Variants in DOK6 observed in about 807,000 individuals in gnomAD.
DOK6 encodes docking protein 6, also known as downstream of tyrosine kinase 6.
Under a neutral mutation model 44.0 loss-of-function variants are expected in DOK6, and 22 were observed. The observed-to-expected ratio is 0.50, with a 90% CI of 0.36 to 0.71. The LOEUF (loss-of-function observed/expected upper bound fraction) is 0.71. DOK6 is among the 30% of genes least tolerant of loss of function. The probability of loss-of-function intolerance (pLI) is 0.00; values close to 1 mark genes in which losing one functional copy is unlikely to be tolerated. For missense variants in DOK6, 340 were observed against 416.4 expected, an observed-to-expected ratio of 0.82 and a Z score of 1.60; for synonymous variants, 166 against 145.5, an observed-to-expected ratio of 1.14 and a Z score of -1.01.
chr18:69,581,626 C>G (rs1328724425), intron 2 of DOK6, among the ~76,000 whole-genome samples: 1 of 152,146 alleles, frequency 6.6e-6, no homozygotes, highest in African/African-American at 2.4e-5. Context: ...GCAATTCAGG[C>G]ATGGGATATA....
At chr18:69,430,983 TA>T (rs1238713720) in intron 1 of DOK6, among the ~76,000 whole-genome samples, 3 of 152,058 alleles carry the variant, frequency 2.0e-5, no homozygotes, top group Non-Finnish European at 4.4e-5. Flanking sequence ...AGAAGATTAC[TA>T]ATGTTTTCCC....
rs185650176 is a variant in DOK6 at position 69,499,231 on chromosome 18, A to G, written c.67-65256A>G. The stretch of plus-strand genomic sequence containing the variant: ...TACATATATATGTGTGTATGTATAT[A>G]TATATATGAGATAATGAATATTGGA... On this transcript the variant is annotated intron_variant, in intron 1 of 7. Transcript: ENST00000382713. Among the ~76,000 whole-genome samples, 236 of 152,116 alleles carry G rather than the reference A, an allele frequency of 1.6e-3. 2 individuals carry two copies. In the East Asian group the frequency reaches 0.029, roughly 19 times the overall value.
chr18:69,507,995 T>TTA (rs1440100265), intron 1 of DOK6, among the ~76,000 whole-genome samples: 3 of 152,168 alleles, frequency 2.0e-5, no homozygotes, highest in Non-Finnish European at 4.4e-5. Context: ...ATGATGTTAA[T>TTA]TATAGGTTTT....
intron 3 of DOK6, among the ~76,000 whole-genome samples, chr18:69,627,066 A>G (rs1257652705): frequency 6.6e-6 from 1 of 152,156 alleles, no homozygotes; most frequent in Non-Finnish European, 1.5e-5. Context: ...AAATACTCTC[A>G]CGCAGTGAGA....
At chr18:69,407,424 T>C (rs570864624) in intron 1 of DOK6, among the ~76,000 whole-genome samples, 1 of 152,314 alleles carries the variant, frequency 6.6e-6, no homozygotes, top group East Asian at 1.9e-4. Context: ...TACTATGATT[T>C]CTTTAGCCTC....
At chr18:69,592,828 T>G (rs1407019301) in intron 2 of DOK6, among the ~76,000 whole-genome samples, 1 of 152,186 alleles carries the variant, frequency 6.6e-6, no homozygotes, top group African/African-American at 2.4e-5. Flanking sequence ...CTCAAGGATT[T>G]CACAATTTTA....
intron 1 of DOK6, among the ~76,000 whole-genome samples, chr18:69,559,282 ACATATTT>A (rs1982768115): frequency 1.3e-5 from 2 of 151,820 alleles, no homozygotes; most frequent in Non-Finnish European, 2.9e-5. Context: ...ATGTGTATTT[ACATATTT>A]CCACGAATAT....
chr18:69,504,734 C>T (rs138434989), intron 1 of DOK6, among the ~76,000 whole-genome samples: 82 of 152,186 alleles, frequency 5.4e-4, no homozygotes, highest in African/African-American at 1.9e-3. Context: ...CTACCACATG[C>T]TATCAAAAAA....
intron 7 of DOK6, among the ~76,000 whole-genome samples, chr18:69,824,075 A>T (rs1981659528): frequency 6.6e-6 from 1 of 150,802 alleles, no homozygotes; most frequent in African/African-American, 2.4e-5. Flanking sequence ...TTTAAGTTTT[A>T]GGGTACATGT....
chr18:69,434,369 C>T (rs1978888307), intron 1 of DOK6, among the ~76,000 whole-genome samples: 1 of 152,138 alleles, frequency 6.6e-6, no homozygotes, highest in Non-Finnish European at 1.5e-5. Context: ...TAATTCTTCC[C>T]CTTCAGACTG....
chr18:69,667,093 C>G (rs139440037), intron 3 of DOK6, among the ~76,000 whole-genome samples: 3 of 152,262 alleles, frequency 2.0e-5, no homozygotes, highest in African/African-American at 7.2e-5. Flanking sequence ...CCCTTTATCT[C>G]TGTCCATGTC....
intron 7 of DOK6, among the ~76,000 whole-genome samples, chr18:69,812,498 A>G (rs1790592): frequency 0.97 from 147,661 of 152,184 alleles, 71,803 homozygotes; most frequent in Middle Eastern, 1. Context: ...GTCAGCTCCC[A>G]AGGATCTGAA....
At chr18:69,657,774 C>T (rs1180950007) in intron 3 of DOK6, among the ~76,000 whole-genome samples, 1 of 152,216 alleles carries the variant, frequency 6.6e-6, no homozygotes, top group Non-Finnish European at 1.5e-5. Flanking sequence ...AGGAGATTTT[C>T]ACCTGTTTCA....
intron 1 of DOK6, among the ~76,000 whole-genome samples, chr18:69,509,359 C>T (rs557839949): frequency 2.8e-4 from 43 of 152,200 alleles, no homozygotes; most frequent in African/African-American, 9.6e-4. Context: ...AGGATATGGC[C>T]GGGCGCGGTG....
At chr18:69,656,419 T>C (rs4405643) in intron 3 of DOK6, among the ~76,000 whole-genome samples, 4,772 of 152,262 alleles carry the variant, frequency 0.031, 252 homozygotes, top group African/African-American at 0.11. Context: ...GTTTAGAGTA[T>C]AGATGTTCTA....
Position 69,844,456 on chromosome 18 carries a change from A to T in DOK6, c.*3073A>T, listed in dbSNP as rs1012192505. 3 of 152,076 alleles carry T rather than the reference A, an allele frequency of 2.0e-5. No individual in the cohort carries two copies. Among genetic ancestry groups the T allele is most frequent in the Admixed American group, 6.6e-5 (1 of 15,250 alleles). 9.4% of individuals were successfully genotyped at this position (152,076 alleles called of 1,614,324 possible). A position where few individuals can be genotyped will look rare whatever the true frequency, so the allele number is the denominator to read the frequency against. ...AGGGGACTTATTTTTTATGTTCCCA[A>T]TTTTTTCTTCTGATAATATTAATCA... On this transcript the variant is annotated 3_prime_UTR_variant, in exon 8 of 8. Coordinates refer to ENST00000382713, the MANE Select transcript of DOK6 (RefSeq NM_152721.6).
intron 1 of DOK6, among the ~76,000 whole-genome samples, chr18:69,531,985 A>G (rs551669868): frequency 1.3e-5 from 2 of 152,242 alleles, no homozygotes; most frequent in Middle Eastern, 3.4e-3. Context: ...TGGTAGGATT[A>G]GTGTTCTTAT....
At chr18:69,703,732 G>GT (rs1986572470) in intron 5 of DOK6, among the ~76,000 whole-genome samples, 1 of 152,142 alleles carries the variant, frequency 6.6e-6, no homozygotes, top group Non-Finnish European at 1.5e-5. Flanking sequence ...GGGGAAGAAG[G>GT]TGGGAACATT....
intron 1 of DOK6, among the ~76,000 whole-genome samples, chr18:69,424,654 G>T (rs975500671): frequency 1.3e-5 from 2 of 151,716 alleles, no homozygotes; most frequent in African/African-American, 2.4e-5. Context: ...ACTCAAGAAG[G>T]CTCTCTTTAC....
Sources: allele counts gnomAD v4.1 joint callset (sites outside exome capture counted in the v4.1 genomes callset), GRCh38; gene constraint gnomAD v4.1.1; transcripts MANE v1.5; gene names NCBI Gene and HGNC (gene_info 2026-07-23, HGNC 2026-07-21).